NFIA: variants seen among roughly 807,000 people sequenced by gnomAD.
The protein encoded by NFIA is nuclear factor I A.
In NFIA, 8 loss-of-function variants were observed where a neutral mutation model predicts 62.8. That is an observed-to-expected ratio of 0.13 (90% confidence interval 0.07 to 0.23). The LOEUF is 0.23. NFIA is among the 10% of genes least tolerant of loss of function. The pLI is 1.00. For synonymous variants in NFIA, 235 were observed against 238.1 expected (o/e 0.99, Z 0.12); for missense variants, 410 against 642.1 (o/e 0.64, Z 3.91).
intron 3 of NFIA, among the ~76,000 whole-genome samples, chr1:61,318,337 T>C (rs1390974450): frequency 2.0e-5 from 3 of 152,148 alleles, no homozygotes; most frequent in African/African-American, 7.2e-5. Context: ...CCCCGGCATG[T>C]TGGAATCCGT....
chr1:61,197,553 A>G (rs955095513), intron 2 of NFIA, among the ~76,000 whole-genome samples: 5 of 151,840 alleles, frequency 3.3e-5, no homozygotes, highest in African/African-American at 1.2e-4. Context: ...CTGGTTCTTA[A>G]TAGTGAAAGA....
At chr1:61,284,183 C>G (rs987501690) in intron 3 of NFIA, among the ~76,000 whole-genome samples, 2 of 152,104 alleles carry the variant, frequency 1.3e-5, no homozygotes, top group Non-Finnish European at 2.9e-5. Context: ...TGTAAAGGTC[C>G]CAACTCAGGG....
intron 2 of NFIA, among the ~76,000 whole-genome samples, chr1:61,200,931 C>A (rs1241199881): frequency 6.6e-6 from 1 of 152,154 alleles, no homozygotes; most frequent in Non-Finnish European, 1.5e-5. Context: ...TTATGAAATT[C>A]TGTCATCTAT....
chr1:61,293,914 A>G (rs1659042400), intron 3 of NFIA, among the ~76,000 whole-genome samples: 1 of 152,246 alleles, frequency 6.6e-6, no homozygotes, highest in Non-Finnish European at 1.5e-5. Context: ...AATATTGAAG[A>G]GAAGGCTTAG....
chr1:61,406,191 A>G (rs917040068), intron 8 of NFIA, among the ~76,000 whole-genome samples: 1 of 152,226 alleles, frequency 6.6e-6, no homozygotes, highest in Admixed American at 6.5e-5. Flanking sequence ...AAAGATAATG[A>G]AGGTAGCAGT....
chr1:61,082,380 C>A (rs1002422507), upstream of NFIA: 49 of 685,346 alleles, frequency 7.1e-5, no homozygotes, highest in Non-Finnish European at 3.0e-5. Context: ...CCCTCCCCCC[C>A]GCGGCGGCGG....
intron 2 of NFIA, among the ~76,000 whole-genome samples, chr1:61,261,352 A>G (rs1011560058): frequency 6.6e-6 from 1 of 152,226 alleles, no homozygotes; most frequent in African/African-American, 2.4e-5. Context: ...TACCCATACA[A>G]TACTGGTTTT....
chr1:61,368,420 A>G (rs1449973365), intron 6 of NFIA, among the ~76,000 whole-genome samples: 2 of 152,230 alleles, frequency 1.3e-5, no homozygotes, highest in Admixed American at 1.3e-4. Flanking sequence ...GAGAAATAGA[A>G]TGTATTTTAA....
chr1:61,210,889 G>T (rs975010026), intron 2 of NFIA, among the ~76,000 whole-genome samples: 1 of 152,166 alleles, frequency 6.6e-6, no homozygotes, highest in Non-Finnish European at 1.5e-5. Flanking sequence ...CTTCTAGTTT[G>T]CCTAGCTCTT....
At position 61,426,490 on chromosome 1, in the gene NFIA, C is replaced by A. The variant is rs1286660443; in HGVS notation, c.1446C>A (p.Pro482=). Residue 482 remains proline, a synonymous_variant, in exon 10 of 11, where the codon CCC becomes CCA. Transcript: ENST00000403491. ...CCTACTCGACACCCAGCACCTCCCC[C>A]GCAAACCGATTCGTCAGTGTTGGAC... is the stretch of plus-strand genomic sequence containing the variant. ...SPTYSTPSTS[P]ANRFVSVGPR... 3.2e-6 allele frequency: 5 copies of A among 1,551,870 alleles called. No individual in the cohort carries two copies. The Admixed American group carries it at 9.8e-5, about 30-fold the overall frequency.
intron 3 of NFIA, among the ~76,000 whole-genome samples, chr1:61,313,916 T>C (rs141870974): frequency 7.9e-5 from 12 of 152,334 alleles, no homozygotes; most frequent in Non-Finnish European, 1.3e-4. Context: ...TGTGTGACCT[T>C]AGACTGTGCT....
At chr1:61,452,645 T>G (rs1423257295) in intron 10 of NFIA, among the ~76,000 whole-genome samples, 3 of 152,136 alleles carry the variant, frequency 2.0e-5, no homozygotes, top group African/African-American at 7.2e-5. Context: ...TGTCTGCAAA[T>G]CATTGCTAAA....
intron 2 of NFIA, among the ~76,000 whole-genome samples, chr1:61,215,028 CA>C (rs1653524615): frequency 6.6e-6 from 1 of 150,500 alleles, no homozygotes; most frequent in East Asian, 1.9e-4. Flanking sequence ...ACCACTTCTT[CA>C]ACAAAATAAG....
chr1:61,083,294 G>C (rs1381300150), intron 1 of NFIA, among the ~76,000 whole-genome samples: 2 of 152,108 alleles, frequency 1.3e-5, no homozygotes, highest in African/African-American at 2.4e-5. Context: ...CCGCACGCTC[G>C]GGCCGGCTGC....
chr1:61,353,751 T>C (rs1276509184), intron 5 of NFIA, among the ~76,000 whole-genome samples: 4 of 152,216 alleles, frequency 2.6e-5, no homozygotes, highest in Non-Finnish European at 5.9e-5. Flanking sequence ...TCCCTTAATA[T>C]AACTATCAAA....
intron 7 of NFIA, among the ~76,000 whole-genome samples, chr1:61,383,914 G>A (rs1664554863): frequency 6.6e-6 from 1 of 152,186 alleles, no homozygotes; most frequent in South Asian, 2.1e-4. Context: ...GTGGTAGATA[G>A]TTTGTCTGGT....
chr1:61,278,371 C>T (rs1657938592), intron 3 of NFIA, among the ~76,000 whole-genome samples: 1 of 152,168 alleles, frequency 6.6e-6, no homozygotes, highest in Admixed American at 6.5e-5. Flanking sequence ...CATTGTGTTA[C>T]ATACTTTCAC....
chr1:61,429,648 A>G (rs186955642), intron 10 of NFIA, among the ~76,000 whole-genome samples: 1 of 152,354 alleles, frequency 6.6e-6, no homozygotes, highest in Non-Finnish European at 1.5e-5. Flanking sequence ...CACAATAGCC[A>G]AAAGGTGGAA....
At position 61,326,286 on chromosome 1, in the gene NFIA, G is replaced by A. The variant is rs138733787; in HGVS notation, c.626-6226G>A. On this transcript the variant is annotated intron_variant, in intron 3 of 10. Transcript: ENST00000403491. The stretch of plus-strand genomic sequence containing the variant: ...TCCCCAGGCATTTATCATCAGAAAC[G>A]CCTGAATCAATCTGACCAGAAGCTT... Among the ~76,000 whole-genome samples, 6 of 152,248 alleles carry A rather than the reference G, an allele frequency of 3.9e-5. No individual in the cohort carries two copies. The East Asian group carries it at 7.7e-4, about 20-fold the overall frequency.
Sources: gnomAD v4.1 joint callset for allele counts (sites outside exome capture counted in the v4.1 genomes callset) on GRCh38, gnomAD v4.1.1 for gene constraint, MANE v1.5 for transcripts, NCBI Gene and HGNC (gene_info 2026-07-23, HGNC 2026-07-21) for gene names.